The following CELF2 variants were observed in gnomAD, a reference collection of about 807,000 sequenced individuals.
The protein encoded by CELF2 is CUGBP Elav-like family member 2.
A neutral mutation model predicts 62.6 loss-of-function variants in CELF2; 8 were observed. That is an observed-to-expected ratio of 0.13 (90% CI 0.07 to 0.23). The LOEUF is 0.23. CELF2 is among the 10% of genes least tolerant of loss of function. The pLI is 1.00. For missense variants in CELF2, 333 were observed against 671.0 expected, an observed-to-expected ratio of 0.50 and a Z score of 5.56; for synonymous variants, 258 against 250.0, an observed-to-expected ratio of 1.03 and a Z score of -0.30.
At chr10:11,144,152 T>G (rs907784671) in intron 1 of CELF2, among the ~76,000 whole-genome samples, 3 of 152,136 alleles carry the variant, frequency 2.0e-5, no homozygotes, top group African/African-American at 7.2e-5. Context: ...TCACAGTAAT[T>G]GCCTTCGGAA....
chr10:11,297,734 G>T lies in CELF2; in HGVS notation c.976+9182G>T, dbSNP rs2093337393. On this transcript the variant is annotated intron_variant, in intron 9 of 12. Coordinates refer to ENST00000633077, the MANE Select transcript of CELF2 (RefSeq NM_001326342.2). This position sits in a 1 kb window ranked among gnomAD's most constrained non-coding sequence, Gnocchi z 4.4. ...ACCTGTAATCCCAGCACTTTGGGAG[G>T]CTGAGGCAGGAGTTCCTTGAGGAAC... Among the ~76,000 whole-genome samples the T allele has an allele frequency of 6.6e-6, 1 of 152,228 alleles. No homozygotes were observed. Among genetic ancestry groups the T allele is most frequent in the African/African-American group, 2.4e-5 (1 of 41,462 alleles).
At chr10:10,691,760 A>G in the CELF2 span, among the ~76,000 whole-genome samples, 1 of 147,182 alleles carries the variant, frequency 6.8e-6, no homozygotes, top group Admixed American at 6.8e-5. Context: ...ATGGCCAGTG[A>G]TGATGAGCAT....
intron 4 of CELF2, among the ~76,000 whole-genome samples, chr10:11,254,241 G>A (rs529016916): frequency 9.9e-4 from 151 of 152,374 alleles, no homozygotes; most frequent in African/African-American, 3.4e-3. Context: ...GGTGTGTTCA[G>A]TATTCCCCAT....
At chr10:11,000,519 A>T (rs557567970), upstream of CELF2, among the ~76,000 whole-genome samples, 29 of 152,246 alleles carry the variant, frequency 1.9e-4, no homozygotes, top group Non-Finnish European at 3.7e-4. Context: ...CCTCCTGGTA[A>T]ACAGCTCCAA....
the CELF2 span, among the ~76,000 whole-genome samples, chr10:10,752,764 A>G: frequency 6.8e-6 from 1 of 147,758 alleles, no homozygotes; most frequent in African/African-American, 2.5e-5. Context: ...AGGCAAAATA[A>G]TTTACTGGTA....
intron 1 of CELF2, among the ~76,000 whole-genome samples, chr10:10,867,176 A>T (rs2060441714): frequency 6.6e-6 from 1 of 152,146 alleles, no homozygotes; most frequent in African/African-American, 2.4e-5. Flanking sequence ...AAATATTTCT[A>T]CCATGGCCAA....
intron 3 of CELF2, among the ~76,000 whole-genome samples, chr10:11,238,154 A>G (rs2072268047): frequency 1.3e-5 from 2 of 152,258 alleles, no homozygotes; most frequent in Non-Finnish European, 2.9e-5. Context: ...CAAGTCAGAA[A>G]GGAATCATGG....
At chr10:11,055,100 A>G (rs1230716897) in intron 1 of CELF2, among the ~76,000 whole-genome samples, 3 of 152,350 alleles carry the variant, frequency 2.0e-5, no homozygotes, top group Admixed American at 6.5e-5. Context: ...AATGCTCATA[A>G]CCTGTGTTTC....
the CELF2 span, among the ~76,000 whole-genome samples, chr10:10,605,744 C>T: frequency 6.6e-6 from 1 of 152,180 alleles, no homozygotes; most frequent in East Asian, 1.9e-4. Context: ...TGGGCAACAA[C>T]AGAGGGTCAC....
In CELF2 at chr10:11,023,117, T is replaced by G. The variant is rs184384807; in HGVS notation, c.74+4954T>G. Among the ~76,000 whole-genome samples the G allele has an allele frequency of 1.1e-4, 17 of 152,304 alleles. No individual in the cohort carries two copies. The East Asian group carries it at 2.5e-3, about 22-fold the overall frequency. On this transcript the variant is annotated intron_variant, in intron 1 of 12. Coordinates refer to ENST00000633077, the MANE Select transcript of CELF2 (RefSeq NM_001326342.2). ...GAGGGTCACATTTTCGCTTTTTGTTTTCGGATTAGGCCATCACAAAGAGTT... is the reference window on the plus strand; with the variant it reads ...GAGGGTCACATTTTCGCTTTTTGTTGTCGGATTAGGCCATCACAAAGAGTT...
At chr10:11,048,027 T>G (rs978385106) in intron 1 of CELF2, among the ~76,000 whole-genome samples, 1 of 152,182 alleles carries the variant, frequency 6.6e-6, no homozygotes, top group East Asian at 1.9e-4. Flanking sequence ...TCTCCAAATG[T>G]AAGAATTGTT....
chr10:10,779,808 A>G, the CELF2 span, among the ~76,000 whole-genome samples: 1 of 152,104 alleles, frequency 6.6e-6, no homozygotes, highest in Non-Finnish European at 1.5e-5. Flanking sequence ...TTTTCCCTCC[A>G]TATCTTAATT....
intron 2 of CELF2, among the ~76,000 whole-genome samples, chr10:11,183,897 T>A (rs1479313267): frequency 6.6e-6 from 1 of 152,238 alleles, no homozygotes; most frequent in African/African-American, 2.4e-5. Context: ...TAATATTTTT[T>A]AAAAAGCAGT....
chr10:11,135,519 A>G (rs193172538), intron 1 of CELF2, among the ~76,000 whole-genome samples: 157 of 152,342 alleles, frequency 1.0e-3, no homozygotes, highest in Middle Eastern at 3.4e-3. Flanking sequence ...AATTAAAGCA[A>G]TTGTATCAAT....
intron 1 of CELF2, among the ~76,000 whole-genome samples, chr10:11,128,529 T>C (rs1016217414): frequency 1.3e-4 from 20 of 152,264 alleles, no homozygotes; most frequent in African/African-American, 4.8e-4. Flanking sequence ...TTCTTCCATT[T>C]GTTTGTGTCC....
At chr10:11,307,218 C>G (rs959644535) in intron 9 of CELF2, among the ~76,000 whole-genome samples, 1 of 152,390 alleles carries the variant, frequency 6.6e-6, no homozygotes, top group East Asian at 1.9e-4. Context: ...TCTCTAGAAG[C>G]GCGCTCTGAC....
intron 2 of CELF2, among the ~76,000 whole-genome samples, chr10:10,959,914 C>T (rs2049303286): frequency 6.6e-6 from 1 of 152,258 alleles, no homozygotes; most frequent in African/African-American, 2.4e-5. Context: ...GCACCAGTCA[C>T]TGCCACCTTG....
At chr10:10,865,379 CTTTTAGAATTCT>C (rs2060291440) in intron 1 of CELF2, among the ~76,000 whole-genome samples, 1 of 152,168 alleles carries the variant, frequency 6.6e-6, no homozygotes, top group Non-Finnish European at 1.5e-5. Context: ...ACATATTCAT[CTTTTAGAATTCT>C]CCCCAAAATA....
intron 1 of CELF2, among the ~76,000 whole-genome samples, chr10:10,886,800 C>A (rs1377312111): frequency 1.3e-5 from 2 of 152,196 alleles, no homozygotes; most frequent in African/African-American, 4.8e-5. Context: ...CACACCACTG[C>A]ACTCCAGCCT....
Sources: gnomAD v4.1 joint callset for allele counts (sites outside exome capture counted in the v4.1 genomes callset) on GRCh38, gnomAD v4.1.1 for gene constraint, Gnocchi (gnomAD v3.1) non-coding constraint, MANE v1.5 for transcripts, NCBI Gene and HGNC (gene_info 2026-07-23, HGNC 2026-07-21) for gene names.